HS3ST3A1: variants seen among roughly 807,000 people sequenced by gnomAD.
The protein encoded by HS3ST3A1 is heparan sulfate-glucosamine 3-sulfotransferase 3A1, also known as heparan sulfate glucosamine 3-O-sulfotransferase 3A1.
HS3ST3A1 carries 19 observed loss-of-function variants against 25.7 expected under a neutral mutation model. The ratio of observed to expected loss-of-function variants is 0.74; its 90% CI spans 0.52 to 1.08. The LOEUF (loss-of-function observed/expected upper bound fraction) is 1.08. HS3ST3A1 is among the 50% of genes least tolerant of loss of function. The pLI is 0.00. For synonymous variants in HS3ST3A1, 226 were observed against 278.6 expected (o/e 0.81, Z 1.88); for missense variants, 459 against 594.3 (o/e 0.77, Z 2.37).
chr17:13,537,832 G>T (rs565111492), intron 1 of HS3ST3A1, among the ~76,000 whole-genome samples: 31 of 152,300 alleles, frequency 2.0e-4, no homozygotes, highest in Middle Eastern at 6.8e-3. Context: ...TTTTCCTACA[G>T]TTCACAGGTA....
Position 13,522,746 on chromosome 17 carries a change from T to C in HS3ST3A1, c.600-25928A>G, listed in dbSNP as rs920839979. ...GGCATATGCATGAACACATAAAAACTGAAACAATAAAAAAATGGCAAAATA... is the reference window on the plus strand; with the variant it reads ...GGCATATGCATGAACACATAAAAACCGAAACAATAAAAAAATGGCAAAATA... On this transcript the variant is annotated intron_variant, in intron 1 of 1. Transcript: ENST00000284110. Among the ~76,000 whole-genome samples the C allele has an allele frequency of 5.3e-5, 8 of 150,714 alleles. No individual in the cohort carries two copies. In the Admixed American group the frequency reaches 5.3e-4, roughly 10 times the overall value.
At chr17:13,514,231 TC>T (rs1208383359) in intron 1 of HS3ST3A1, among the ~76,000 whole-genome samples, 4 of 152,172 alleles carry the variant, frequency 2.6e-5, no homozygotes, top group African/African-American at 9.6e-5. Context: ...CTTTCTTGTT[TC>T]TTTTTTTATT....
At chr17:13,552,782 C>T (rs759261398) in intron 1 of HS3ST3A1, among the ~76,000 whole-genome samples, 2 of 152,102 alleles carry the variant, frequency 1.3e-5, no homozygotes, top group African/African-American at 4.8e-5. Context: ...TGATCAGCTG[C>T]CCTTGTGCTT....
intron 1 of HS3ST3A1, among the ~76,000 whole-genome samples, chr17:13,598,379 C>T (rs978418737): frequency 6.6e-6 from 1 of 151,976 alleles, no homozygotes; most frequent in South Asian, 2.1e-4. Flanking sequence ...ATAATCCAGG[C>T]TCCATAGGTT....
intron 1 of HS3ST3A1, among the ~76,000 whole-genome samples, chr17:13,581,559 C>A (rs1401342922): frequency 6.6e-6 from 1 of 151,446 alleles, no homozygotes; most frequent in African/African-American, 2.4e-5. Flanking sequence ...ACACACCCAA[C>A]ACTGTCTGAA....
At chr17:13,510,830 G>A (rs953612495) in intron 1 of HS3ST3A1, among the ~76,000 whole-genome samples, 12 of 151,992 alleles carry the variant, frequency 7.9e-5, no homozygotes, top group South Asian at 4.2e-4. Context: ...TCAGCCTCCC[G>A]CGTAGCTGGG....
Position 13,496,017 on chromosome 17 carries a change from T to C in HS3ST3A1, c.*180A>G, listed in dbSNP as rs551611556. 1.4e-6 allele frequency: 1 copy of C among 715,234 alleles called. No homozygotes were observed. 44.3% of individuals were successfully genotyped at this position (715,234 alleles called of 1,614,324 possible). On this transcript the variant is annotated 3_prime_UTR_variant, in exon 2 of 2. Transcript: ENST00000284110. ...GAGTGAAATTTTCCTTTTCTGTTGATCCACGTGTTTGGTGTTGGTTATACA... is the reference window on the plus strand; with the variant it reads ...GAGTGAAATTTTCCTTTTCTGTTGACCCACGTGTTTGGTGTTGGTTATACA...
chr17:13,514,281 G>A (rs1361536107), intron 1 of HS3ST3A1, among the ~76,000 whole-genome samples: 1 of 151,654 alleles, frequency 6.6e-6, no homozygotes, highest in Non-Finnish European at 1.5e-5. Context: ...ATCCATCAAT[G>A]TTTTTCTTTA....
At chr17:13,535,897 G>A (rs1458229568) in intron 1 of HS3ST3A1, among the ~76,000 whole-genome samples, 1 of 152,096 alleles carries the variant, frequency 6.6e-6, no homozygotes, top group Non-Finnish European at 1.5e-5. Context: ...GGTGTGAACA[G>A]GGAAAACTAG....
chr17:13,499,730 T>G (rs1309636454), intron 1 of HS3ST3A1, among the ~76,000 whole-genome samples: 1 of 152,034 alleles, frequency 6.6e-6, no homozygotes, highest in East Asian at 1.9e-4. Context: ...TTAAATAATC[T>G]CAATAGAGTA....
intron 1 of HS3ST3A1, among the ~76,000 whole-genome samples, chr17:13,509,875 G>C (rs1290830605): frequency 6.6e-6 from 1 of 152,148 alleles, no homozygotes; most frequent in Non-Finnish European, 1.5e-5. Context: ...TCTGATGCTT[G>C]GCTCACTGTT....
At chr17:13,597,013 G>C (rs1908595578) in intron 1 of HS3ST3A1, among the ~76,000 whole-genome samples, 1 of 152,132 alleles carries the variant, frequency 6.6e-6, no homozygotes, top group South Asian at 2.1e-4. Context: ...GACAATCTTT[G>C]ATCTTCCTGT....
intron 1 of HS3ST3A1, among the ~76,000 whole-genome samples, chr17:13,514,923 T>G (rs1906002416): frequency 6.6e-6 from 1 of 152,144 alleles, no homozygotes; most frequent in Non-Finnish European, 1.5e-5. Context: ...AAAAGAAAAT[T>G]TATATCAATA....
At chr17:13,507,957 T>C (rs1364330534) in intron 1 of HS3ST3A1, among the ~76,000 whole-genome samples, 2 of 152,228 alleles carry the variant, frequency 1.3e-5, no homozygotes, top group Non-Finnish European at 2.9e-5. Context: ...TGTTGTTATG[T>C]GGGACCCCTC....
rs571017133 is a variant in HS3ST3A1 at position 13,536,680 on chromosome 17, C to T, written c.600-39862G>A. On this transcript the variant is annotated intron_variant, in intron 1 of 1. Transcript: ENST00000284110. ...CTCTTAACACATGGAAACTGACAGTCCCAAATGAGAAGCTTCTTGTCACAA... is the reference window on the plus strand; with the variant it reads ...CTCTTAACACATGGAAACTGACAGTTCCAAATGAGAAGCTTCTTGTCACAA... 3.9e-5 allele frequency among the ~76,000 whole-genome samples: 6 copies of T among 152,196 alleles called. No individual in the cohort carries two copies. The South Asian group carries it at 1.2e-3, about 31-fold the overall frequency.
At chr17:13,600,472 T>G in intron 1 of HS3ST3A1, 59 bp downstream of exon 1, 1 of 1,491,172 alleles carries the variant, frequency 6.7e-7, no homozygotes, top group Non-Finnish European at 8.9e-7. Context: ...CTCCTCCACG[T>G]CTTTCCCAGC....
intron 1 of HS3ST3A1, among the ~76,000 whole-genome samples, chr17:13,549,404 G>A (rs1191443775): frequency 1.3e-5 from 2 of 152,168 alleles, no homozygotes; most frequent in African/African-American, 4.8e-5. Flanking sequence ...AGAACCCACC[G>A]GAAGGAATAA....
chr17:13,524,987 G>C (rs988335924), intron 1 of HS3ST3A1, among the ~76,000 whole-genome samples: 3 of 152,040 alleles, frequency 2.0e-5, no homozygotes, highest in African/African-American at 7.2e-5. Flanking sequence ...TATTTAACAT[G>C]TTTTACCTTG....
intron 1 of HS3ST3A1, among the ~76,000 whole-genome samples, chr17:13,567,876 A>G (rs1425725671): frequency 2.6e-5 from 4 of 152,242 alleles, no homozygotes; most frequent in African/African-American, 9.6e-5. Flanking sequence ...TTGAAATGAC[A>G]ACAAAGGATT....
Sources: allele counts gnomAD v4.1 joint callset (sites outside exome capture counted in the v4.1 genomes callset), GRCh38; gene constraint gnomAD v4.1.1; transcripts MANE v1.5; gene names NCBI Gene and HGNC (gene_info 2026-07-23, HGNC 2026-07-21).